Variants in PDE8B observed in about 807,000 individuals in gnomAD.
PDE8B encodes phosphodiesterase 8B.
Under a neutral mutation model 101.3 loss-of-function variants are expected in PDE8B, and 26 were observed. That is an observed-to-expected ratio of 0.26 (90% CI 0.19 to 0.36). The LOEUF (loss-of-function observed/expected upper bound fraction) is 0.36, where lower values mean the gene tolerates loss of function less well. Ranked by LOEUF, PDE8B falls within the 10% of genes least tolerant of loss-of-function variation. The pLI, the probability that PDE8B is intolerant of heterozygous loss-of-function variation, is 1.00. For synonymous variants in PDE8B, 424 were observed against 429.3 expected (o/e 0.99, Z 0.15); for missense variants, 810 against 1,163.1 (o/e 0.70, Z 4.42).
At chr5:77,246,467 G>A (rs1194352653) in intron 1 of PDE8B, among the ~76,000 whole-genome samples, 1 of 152,180 alleles carries the variant, frequency 6.6e-6, no homozygotes, top group Non-Finnish European at 1.5e-5. Context: ...ACCTATTTTT[G>A]TATGGCTCAT....
At chr5:77,333,850 T>G (rs1036567611) in intron 5 of PDE8B, among the ~76,000 whole-genome samples, 2 of 152,238 alleles carry the variant, frequency 1.3e-5, no homozygotes, top group African/African-American at 4.8e-5. Flanking sequence ...GTTACTGTGT[T>G]TTGCAGTCAG....
the PDE8B span, among the ~76,000 whole-genome samples, chr5:77,187,067 G>A: frequency 1.3e-5 from 2 of 152,212 alleles, no homozygotes; most frequent in African/African-American, 4.8e-5. Flanking sequence ...TGTACACAGT[G>A]TACACAGTTT....
At chr5:77,231,627 T>G (rs976040676) in intron 1 of PDE8B, among the ~76,000 whole-genome samples, 1 of 152,230 alleles carries the variant, frequency 6.6e-6, no homozygotes, top group South Asian at 2.1e-4. Flanking sequence ...CAAAGTTGCA[T>G]CAGTCCCGGT....
chr5:77,218,133 C>A (rs1750211596), intron 1 of PDE8B, among the ~76,000 whole-genome samples: 1 of 152,146 alleles, frequency 6.6e-6, no homozygotes, highest in South Asian at 2.1e-4. Context: ...TTTGGATAAT[C>A]CATCAATGAA....
rs1378753647 is a variant in PDE8B, at chr5:77,344,949, C to T, written c.876+18C>T. The T allele has an allele frequency of 7.2e-6, 11 of 1,526,554 alleles. No individual in the cohort carries two copies. The East Asian group carries it at 9.0e-5, about 12-fold the overall frequency. The allele number at this position is 1,526,554 out of a possible 1,614,324, so 94.6% of individuals were successfully genotyped here. ...TGATTCAGGTATGGAAAGAAACCAC[C>T]TCTATCATTAACATTCAAAATGAAC... On this transcript the variant is annotated intron_variant, in intron 7 of 21. Transcript: ENST00000264917.
intron 6 of PDE8B, among the ~76,000 whole-genome samples, chr5:77,344,355 G>A (rs1779779783): frequency 6.6e-6 from 1 of 152,188 alleles, no homozygotes; most frequent in Non-Finnish European, 1.5e-5. Context: ...AATCTCGCAG[G>A]ACCACCATTG....
At chr5:77,329,267 C>G (rs1347245108) in intron 4 of PDE8B, among the ~76,000 whole-genome samples, 1 of 152,098 alleles carries the variant, frequency 6.6e-6, no homozygotes, top group Non-Finnish European at 1.5e-5. Flanking sequence ...GTGTAATTGC[C>G]TTTAGCACCT....
At chr5:77,216,558 A>G (rs1490265663) in intron 1 of PDE8B, among the ~76,000 whole-genome samples, 1 of 152,210 alleles carries the variant, frequency 6.6e-6, no homozygotes, top group East Asian at 1.9e-4. Flanking sequence ...ACACATGGGA[A>G]TTATGGAAGC....
At chr5:77,331,249 C>G in intron 4 of PDE8B, 153 bp from the exon 5 acceptor site, 1 of 758,292 alleles carries the variant, frequency 1.3e-6, no homozygotes, top group Non-Finnish European at 2.4e-6. Flanking sequence ...GGGTCTGTAT[C>G]CTTGAAGGCA....
the PDE8B span, chr5:77,112,253 G>C: frequency 6.6e-6 from 1 of 152,106 alleles, no homozygotes; most frequent in African/African-American, 2.4e-5. Context: ...TGTACAAAAA[G>C]AGGTACATAA....
the PDE8B span, among the ~76,000 whole-genome samples, chr5:77,102,361 A>G: frequency 6.6e-6 from 1 of 152,162 alleles, no homozygotes; most frequent in African/African-American, 2.4e-5. Flanking sequence ...AGGGTAATGG[A>G]GAAAAGCTTA....
chr5:77,376,403 A>C (rs1786144090), intron 10 of PDE8B, among the ~76,000 whole-genome samples: 2 of 152,218 alleles, frequency 1.3e-5, no homozygotes, highest in South Asian at 4.1e-4. Flanking sequence ...GTCACATCCC[A>C]GTGCCTAGAA....
At chr5:77,195,118 G>A in the PDE8B span, among the ~76,000 whole-genome samples, 1 of 152,196 alleles carries the variant, frequency 6.6e-6, no homozygotes, top group Non-Finnish European at 1.5e-5. Context: ...CAGTTCAGGA[G>A]GCTGGGAACT....
At chr5:77,217,620 C>G (rs1173393629) in intron 1 of PDE8B, among the ~76,000 whole-genome samples, 1 of 151,874 alleles carries the variant, frequency 6.6e-6, no homozygotes, top group African/African-American at 2.4e-5. Flanking sequence ...ACTGCAACCT[C>G]CGCCTCCCAG....
chr5:77,368,336 A>C (rs1784496016), intron 10 of PDE8B, among the ~76,000 whole-genome samples: 1 of 152,138 alleles, frequency 6.6e-6, no homozygotes, highest in East Asian at 1.9e-4. Flanking sequence ...TGTCTTGCTG[A>C]CTTAAAGTCC....
intron 1 of PDE8B, among the ~76,000 whole-genome samples, chr5:77,229,179 G>A (rs1464412248): frequency 2.0e-5 from 3 of 152,222 alleles, no homozygotes; most frequent in Non-Finnish European, 2.9e-5. Flanking sequence ...CAATGTAACT[G>A]TGTAAATTTT....
intron 1 of PDE8B, among the ~76,000 whole-genome samples, chr5:77,218,159 T>C (rs1156290248): frequency 6.6e-6 from 1 of 152,246 alleles, no homozygotes; most frequent in Non-Finnish European, 1.5e-5. Context: ...GAATATTTCA[T>C]GGTTGTCTCT....
intron 10 of PDE8B, among the ~76,000 whole-genome samples, chr5:77,356,849 C>G (rs1376100811): frequency 1.3e-5 from 2 of 152,188 alleles, no homozygotes; most frequent in East Asian, 3.9e-4. Context: ...TGGACTTTCC[C>G]TACCCTGCCA....
chr5:77,286,336 A>G (rs1217494031), intron 1 of PDE8B, among the ~76,000 whole-genome samples: 1 of 152,166 alleles, frequency 6.6e-6, no homozygotes, highest in Non-Finnish European at 1.5e-5. Flanking sequence ...TTGTACACAA[A>G]ATTTAGGTTC....
Sources: allele counts gnomAD v4.1 joint callset (sites outside exome capture counted in the v4.1 genomes callset), GRCh38; gene constraint gnomAD v4.1.1; transcripts MANE v1.5; gene names NCBI Gene and HGNC (gene_info 2026-07-23, HGNC 2026-07-21).